ANKRD18B: variants seen among roughly 807,000 people sequenced by gnomAD.
ANKRD18B encodes the protein ankyrin repeat domain-containing protein 18B.
A neutral mutation model predicts 111.8 loss-of-function variants in ANKRD18B; 75 were observed. The ratio of observed to expected loss-of-function variants is 0.67; its 90% CI spans 0.56 to 0.81. The LOEUF (loss-of-function observed/expected upper bound fraction) is 0.81. Ranked by LOEUF, ANKRD18B falls within the 40% of genes least tolerant of loss-of-function variation. ANKRD18B has a pLI of 0.00. For synonymous variants in ANKRD18B, 356 were observed against 417.3 expected (o/e 0.85, Z 1.79); for missense variants, 1,038 against 1,225.5 (o/e 0.85, Z 2.28).
chr9:33,561,157 T>C (rs1355499221), intron 14 of ANKRD18B, among the ~76,000 whole-genome samples: 2 of 152,206 alleles, frequency 1.3e-5, no homozygotes, highest in African/African-American at 2.4e-5. Flanking sequence ...CCCGGCAGCA[T>C]TGGATAAGGG....
rs957793398 is a variant in ANKRD18B at position 33,558,108 on chromosome 9, A to G, written c.2381A>G (p.Asn794Ser). The change falls in exon 14 of 19, where the codon AAT (asparagine) becomes AGT (serine). Residue 794 changes from asparagine (N) to serine (S), a missense_variant. Physicochemically the swap from Asn to Ser is conservative, Grantham distance 46. Around this residue, in one of 4 missense-constraint regions of ANKRD18B, gnomAD observed 524 missense variants for 677.9 expected, o/e 0.77. Transcript: ENST00000684830. ...MTINMLNAFA[N>S]EDFSCHGDLN... is the part of the protein sequence containing the mutation. ...ATAAATATGTTAAATGCATTTGCAA[A>G]TGAAGACTTCAGTTGCCATGGAGAC... 4 of 1,611,904 alleles carry G rather than the reference A, an allele frequency of 2.5e-6. No individual in the cohort carries two copies.
intron 9 of ANKRD18B, among the ~76,000 whole-genome samples, chr9:33,542,429 G>A (rs1006808356): frequency 6.6e-6 from 1 of 151,188 alleles, no homozygotes; most frequent in Non-Finnish European, 1.5e-5. Context: ...GTCACCCAGG[G>A]TGGAGTGCAA....
intron 1 of ANKRD18B, among the ~76,000 whole-genome samples, chr9:33,528,385 T>A (rs1001535518): frequency 1.2e-4 from 18 of 152,242 alleles, no homozygotes; most frequent in African/African-American, 4.3e-4. Flanking sequence ...CATTTAAGCA[T>A]CACAGTGGTG....
intron 10 of ANKRD18B, among the ~76,000 whole-genome samples, chr9:33,545,465 T>C (rs969195616): frequency 2.6e-5 from 4 of 152,210 alleles, no homozygotes; most frequent in Admixed American, 6.5e-5. Context: ...AGCTACAGTA[T>C]TTCTGCTATT....
chr9:33,543,993 T>C (rs187201700), intron 10 of ANKRD18B, among the ~76,000 whole-genome samples: 1 of 152,210 alleles, frequency 6.6e-6, no homozygotes. Context: ...ATTTTCTTCT[T>C]TCTGATTGGT....
At chr9:33,529,910 T>C (rs767712823) in intron 3 of ANKRD18B, among the ~76,000 whole-genome samples, 2 of 152,182 alleles carry the variant, frequency 1.3e-5, no homozygotes, top group Admixed American at 1.3e-4. Context: ...TTATTACCCA[T>C]CCCGGCAAAA....
chr9:33,536,077 T>C (rs1280184929), intron 5 of ANKRD18B, among the ~76,000 whole-genome samples: 1 of 152,032 alleles, frequency 6.6e-6, no homozygotes, highest in East Asian at 1.9e-4. Context: ...AACACAGACC[T>C]GCTGGCTCTG....
Position 33,541,225 on chromosome 9 carries a change from A to C in ANKRD18B, c.1076A>C (p.Lys359Thr). The C allele has an allele frequency of 6.5e-7, 1 of 1,544,424 alleles. No homozygotes were observed. Among genetic ancestry groups the C allele is most frequent in the Non-Finnish European group, 8.7e-7 (1 of 1,145,348 alleles). ...KKLKKRKEGAKEHNLKVASEE... is the reference protein window; with the variant it reads ...KKLKKRKEGATEHNLKVASEE... Reference sequence around the variant, plus strand: ...TTGAAAAAAAGAAAAGAAGGTGCAAAAGGTAAGACACTTGAGTATCTCTAC... The same window carrying C: ...TTGAAAAAAAGAAAAGAAGGTGCAACAGGTAAGACACTTGAGTATCTCTAC... The change falls in exon 9 of 19, where the codon AAA becomes ACA. Residue 359 changes from lysine (K) to threonine (T), a missense_variant and splice_region_variant. This residue lies in a region of ANKRD18B where 205 missense variants were observed against 201.3 expected (regional missense o/e 1.02). Coordinates refer to ENST00000684830, the MANE Select transcript of ANKRD18B (RefSeq NM_001393611.1).
Position 33,572,489 on chromosome 9 carries a change from A to G in ANKRD18B, c.*55A>G. The G allele has an allele frequency of 7.1e-7, 1 of 1,414,598 alleles. No homozygotes were observed. 87.6% of individuals were successfully genotyped at this position (1,414,598 alleles called of 1,614,324 possible). On this transcript the variant is annotated 3_prime_UTR_variant, in exon 19 of 19. Coordinates refer to ENST00000684830, the MANE Select transcript of ANKRD18B (RefSeq NM_001393611.1). ...TTACATGAAATTTTAATTGTTTCTCATAAAATATAAAACATCACAATCTTT... is the reference window on the plus strand; with the variant it reads ...TTACATGAAATTTTAATTGTTTCTCGTAAAATATAAAACATCACAATCTTT...
chr9:33,571,223 A>AT (rs3033567), intron 17 of ANKRD18B, 23 bp from the exon 18 acceptor site: 46,802 of 804,122 alleles, frequency 0.058, 662 homozygotes, highest in South Asian at 0.066. Context: ...CATTATTATT[A>AT]TTTTTTTTTT....
chr9:33,539,769 T>C (rs1828252842), intron 7 of ANKRD18B, among the ~76,000 whole-genome samples: 1 of 151,808 alleles, frequency 6.6e-6, no homozygotes, highest in African/African-American at 2.4e-5. Flanking sequence ...TGAGGTAGAA[T>C]GCTTTTGGCT....
chr9:33,572,007 G>A, intron 18 of ANKRD18B: 1 of 319,992 alleles, frequency 3.1e-6, no homozygotes, highest in South Asian at 4.6e-5. Context: ...CGGTCTTTTA[G>A]GTTATAGCAT....
intron 5 of ANKRD18B, among the ~76,000 whole-genome samples, chr9:33,534,751 A>C (rs1198001470): frequency 2.0e-5 from 3 of 150,918 alleles, no homozygotes; most frequent in African/African-American, 7.3e-5. Flanking sequence ...AGTGTTGTTC[A>C]TTTTATTCCA....
In ANKRD18B at chr9:33,567,290, G is replaced by T; in HGVS notation, c.2930G>T (p.Ser977Ile). Residue 977 changes from serine (S) to isoleucine (I), a missense_variant, in exon 16 of 19, where the codon AGT becomes ATT. Around this residue, in one of 4 missense-constraint regions of ANKRD18B, gnomAD observed 524 missense variants for 677.9 expected, o/e 0.77. Transcript: ENST00000684830. ...EAFAVALKANSSMSEKITKSD... is the reference protein window; with the variant it reads ...EAFAVALKANISMSEKITKSD... Reference sequence around the variant, plus strand: ...TTTGCAGTAGCATTGAAAGCTAACAGTTCCATGTCAGAAAAAATAACGAAG... The same window carrying T: ...TTTGCAGTAGCATTGAAAGCTAACATTTCCATGTCAGAAAAAATAACGAAG... The T allele has an allele frequency of 6.5e-7, 1 of 1,542,404 alleles. No individual in the cohort carries two copies. Among genetic ancestry groups the T allele is most frequent in the Non-Finnish European group, 8.7e-7 (1 of 1,144,614 alleles).
downstream of ANKRD18B, chr9:33,573,153 T>C (rs1319716565): frequency 2.1e-6 from 3 of 1,398,098 alleles, no homozygotes; most frequent in Non-Finnish European, 1.8e-6. Flanking sequence ...TAATGTTGTA[T>C]TTTCTCTGCG....
chr9:33,551,321 T>A (rs1374967004), intron 12 of ANKRD18B, among the ~76,000 whole-genome samples: 1 of 152,236 alleles, frequency 6.6e-6, no homozygotes, highest in Non-Finnish European at 1.5e-5. Flanking sequence ...CAGTGCTGTG[T>A]GGTCATCAGC....
At position 33,568,723 on chromosome 9, in the gene ANKRD18B, C is replaced by T. The variant is rs573117997; in HGVS notation, c.3007C>T (p.Arg1003Trp). The change falls in exon 17 of 19, where the codon CGG becomes TGG. Residue 1003 changes from arginine to tryptophan, a missense_variant. Physicochemically the swap from Arg to Trp is moderately radical, Grantham distance 101. Coordinates refer to ENST00000684830, the MANE Select transcript of ANKRD18B (RefSeq NM_001393611.1). ...CACCAAGCTCTTTATGGAGAAAGAG[C>T]GGATGGAATATTTTCTCAGCACTCT... ...ISTKLFMEKERMEYFLSTLPM... is the reference protein window; with the variant it reads ...ISTKLFMEKEWMEYFLSTLPM... 399 of 1,550,952 alleles carry T rather than the reference C, an allele frequency of 2.6e-4. No homozygotes were observed. Among genetic ancestry groups the T allele is most frequent in the Non-Finnish European group, 3.2e-4 (372 of 1,146,646 alleles).
chr9:33,547,698 GTGTGT>G (rs1828379333), intron 10 of ANKRD18B, among the ~76,000 whole-genome samples: 1 of 151,280 alleles, frequency 6.6e-6, no homozygotes, highest in Non-Finnish European at 1.5e-5. Context: ...GTGTGTGTGT[GTGTGT>G]GTGTGTGTGT....
At chr9:33,557,965 TC>T in intron 13 of ANKRD18B, 92 bp from the exon 14 acceptor site, 1 of 1,179,362 alleles carries the variant, frequency 8.5e-7, no homozygotes, top group Non-Finnish European at 1.2e-6. Context: ...TAGATTTGTT[TC>T]TTTGATATGC....
Sources: gnomAD v4.1 joint callset for allele counts (sites outside exome capture counted in the v4.1 genomes callset) on GRCh38, gnomAD v4.1.1 for gene constraint, gnomAD v4.1.1 regional missense constraint, MANE v1.5 for transcripts, NCBI Gene and HGNC (gene_info 2026-07-23, HGNC 2026-07-21) for gene names.